The following DSCAML1 variants were observed in gnomAD, a reference collection of about 807,000 sequenced individuals.
DSCAML1 encodes cell adhesion molecule DSCAML1.
In DSCAML1, 38 loss-of-function variants were observed where a neutral mutation model predicts 200.5. The ratio of observed to expected loss-of-function variants is 0.19; its 90% CI spans 0.15 to 0.25. DSCAML1 has a LOEUF of 0.25. Ranked by LOEUF, DSCAML1 falls within the 10% of genes least tolerant of loss-of-function variation. The pLI, the probability that DSCAML1 is intolerant of heterozygous loss-of-function variation, is 1.00. For synonymous variants in DSCAML1, 1,215 were observed against 1,165.0 expected (o/e 1.04, Z -0.87); for missense variants, 2,223 against 2,858.8 (o/e 0.78, Z 5.07).
At chr11:117,716,091 G>A (rs760729147) in intron 3 of DSCAML1, among the ~76,000 whole-genome samples, 1 of 152,226 alleles carries the variant, frequency 6.6e-6, no homozygotes, top group Non-Finnish European at 1.5e-5. Context: ...TGTTGGTTGT[G>A]TCCTTCTCTT....
At chr11:117,439,790 C>A (rs959045460) in intron 22 of DSCAML1, 29 bp downstream of exon 22, 4 of 1,597,234 alleles carry the variant, frequency 2.5e-6, no homozygotes, top group Non-Finnish European at 3.4e-6. Context: ...TTTGGGGCCA[C>A]CCCATCCCTC....
At chr11:117,730,634 G>C (rs2054202692) in intron 3 of DSCAML1, among the ~76,000 whole-genome samples, 1 of 152,180 alleles carries the variant, frequency 6.6e-6, no homozygotes, top group Non-Finnish European at 1.5e-5. Flanking sequence ...AGCCACTTTG[G>C]AAAACAGTCT....
At chr11:117,525,879 C>T (rs951098486) in intron 4 of DSCAML1, among the ~76,000 whole-genome samples, 2 of 152,174 alleles carry the variant, frequency 1.3e-5, no homozygotes, top group Non-Finnish European at 2.9e-5. Flanking sequence ...TCTATCTGTT[C>T]CTGCTCTGTC....
At chr11:117,703,403 C>T (rs2053701634) in intron 3 of DSCAML1, among the ~76,000 whole-genome samples, 2 of 152,306 alleles carry the variant, frequency 1.3e-5, no homozygotes, top group East Asian at 3.9e-4. Context: ...TGGACACCAT[C>T]TCCCCTTCCC....
intron 3 of DSCAML1, among the ~76,000 whole-genome samples, chr11:117,598,653 T>TGCTCTTGTCTGTATAATTTCA: frequency 6.6e-6 from 1 of 152,314 alleles, no homozygotes; most frequent in South Asian, 2.1e-4. Flanking sequence ...AACATGTCTT[T>TGCTCTTGTCTGTATAATTTCA]GCTCTTGTCT....
At chr11:117,623,093 T>C (rs545834308) in intron 3 of DSCAML1, among the ~76,000 whole-genome samples, 13 of 152,222 alleles carry the variant, frequency 8.5e-5, no homozygotes, top group African/African-American at 3.1e-4. Context: ...ATGCCTTCTC[T>C]CTCCTATGAG....
At chr11:117,654,695 G>A (rs905640105) in intron 3 of DSCAML1, among the ~76,000 whole-genome samples, 3 of 152,194 alleles carry the variant, frequency 2.0e-5, no homozygotes, top group Non-Finnish European at 4.4e-5. Context: ...CCTGCAGAAT[G>A]TTAAATTGGA....
At chr11:117,720,881 C>T (rs527531485) in intron 3 of DSCAML1, among the ~76,000 whole-genome samples, 5 of 152,358 alleles carry the variant, frequency 3.3e-5, no homozygotes, top group Non-Finnish European at 7.3e-5. Context: ...AGTTAACCAT[C>T]ATTAACCTGA....
chr11:117,603,524 C>T (rs1366742945), intron 3 of DSCAML1, among the ~76,000 whole-genome samples: 2 of 152,252 alleles, frequency 1.3e-5, no homozygotes, highest in East Asian at 1.9e-4. Context: ...CTGTGAAGAT[C>T]AAATGAGATA....
Position 117,428,780 on chromosome 11 carries a change from A to G in DSCAML1, c.5710T>C (p.Tyr1904His). Residue 1904 changes from tyrosine (Y) to histidine (H), a missense_variant, in exon 33 of 33, where the codon TAT (tyrosine) becomes CAT (histidine). Coordinates refer to ENST00000651296, the MANE Select transcript of DSCAML1 (RefSeq NM_020693.4). ...NKSDYCNLPL[Y>H]AKSEAFFRKA... is the part of the protein sequence containing the mutation. The stretch of plus-strand genomic sequence containing the variant: ...CGAAAGAAGGCCTCTGACTTGGCAT[A>G]CAGGGGCAGGTTGCAGTAGTCACCT... 1 of 1,607,456 alleles carries G rather than the reference A, an allele frequency of 6.2e-7. No homozygotes were observed. The highest frequency in any genetic ancestry group is 1.7e-5 in the Admixed American group (1 of 59,372).
At chr11:117,637,027 C>T (rs148922947) in intron 3 of DSCAML1, among the ~76,000 whole-genome samples, 51 of 152,234 alleles carry the variant, frequency 3.4e-4, no homozygotes, top group African/African-American at 1.2e-3. Flanking sequence ...TGGGGTCATG[C>T]TTTCTCTTGC....
At chr11:117,696,010 G>A (rs1015134659) in intron 3 of DSCAML1, among the ~76,000 whole-genome samples, 1 of 152,190 alleles carries the variant, frequency 6.6e-6, no homozygotes, top group African/African-American at 2.4e-5. Context: ...GAGAAGTGGA[G>A]GGATCACTGG....
chr11:117,514,006 T>C (rs900019477), intron 8 of DSCAML1, among the ~76,000 whole-genome samples: 6 of 152,264 alleles, frequency 3.9e-5, no homozygotes, highest in Admixed American at 3.9e-4. Flanking sequence ...TCCAGTGATA[T>C]CACATGCTTG....
intron 3 of DSCAML1, among the ~76,000 whole-genome samples, chr11:117,614,626 T>C (rs551947556): frequency 6.6e-6 from 1 of 152,340 alleles, no homozygotes; most frequent in East Asian, 1.9e-4. Context: ...TGTGGTCCCC[T>C]GTGGGACTTA....
At chr11:117,720,053 G>A (rs191067721) in intron 3 of DSCAML1, among the ~76,000 whole-genome samples, 210 of 152,144 alleles carry the variant, frequency 1.4e-3, no homozygotes, top group African/African-American at 5.0e-3. Flanking sequence ...CAATCAATTA[G>A]TCCCTCCCGG....
chr11:117,750,508 C>G (rs2054589697), intron 3 of DSCAML1, among the ~76,000 whole-genome samples: 1 of 152,226 alleles, frequency 6.6e-6, no homozygotes, highest in Non-Finnish European at 1.5e-5. Flanking sequence ...GAAGGATAAA[C>G]AACACCCAGT....
intron 3 of DSCAML1, among the ~76,000 whole-genome samples, chr11:117,772,553 G>A (rs2055058667): frequency 6.6e-6 from 1 of 152,168 alleles, no homozygotes; most frequent in Admixed American, 6.5e-5. Context: ...CTCCCCGCTG[G>A]GGCCAAGATA....
intron 1 of DSCAML1, among the ~76,000 whole-genome samples, chr11:117,807,227 G>A (rs1392824147): frequency 3.9e-5 from 6 of 152,194 alleles, no homozygotes; most frequent in African/African-American, 7.2e-5. Flanking sequence ...AATTTTTATC[G>A]CTGAAGCCCC....
chr11:117,735,209 A>G (rs2054295813), intron 3 of DSCAML1, among the ~76,000 whole-genome samples: 1 of 152,224 alleles, frequency 6.6e-6, no homozygotes, highest in Non-Finnish European at 1.5e-5. Flanking sequence ...GGCTTTCATT[A>G]GGTGGAGGAA....
Sources: allele counts gnomAD v4.1 joint callset (sites outside exome capture counted in the v4.1 genomes callset), GRCh38; gene constraint gnomAD v4.1.1; transcripts MANE v1.5; gene names NCBI Gene and HGNC (gene_info 2026-07-23, HGNC 2026-07-21).